DNAH1: variants seen among roughly 807,000 people sequenced by gnomAD.
DNAH1 encodes the protein dynein axonemal heavy chain 1, also known as axonemal beta dynein heavy chain 1.
In DNAH1, 327 loss-of-function variants were observed where a neutral mutation model predicts 484.3. That is an observed-to-expected ratio of 0.68 (90% CI 0.62 to 0.74). The LOEUF is 0.74. DNAH1 is among the 30% of genes least tolerant of loss of function. DNAH1 has a pLI of 0.00. For missense variants in DNAH1, 5,052 were observed against 5,546.8 expected, an observed-to-expected ratio of 0.91 and a Z score of 2.83; for synonymous variants, 2,192 against 2,191.9, an observed-to-expected ratio of 1.00 and a Z score of 0.00.
In DNAH1 at chr3:52,376,090, A is replaced by G. The variant is rs572229436; in HGVS notation, c.7198+97A>G. ...AGGCTGCGACCAGGCGCCGTGGTGA[A>G]CCATCCTCAGGTTCATGCAGGGACC... On this transcript the variant is annotated intron_variant, in intron 46 of 77. Coordinates refer to ENST00000420323, the MANE Select transcript of DNAH1 (RefSeq NM_015512.5). 3.3e-4 allele frequency: 493 copies of G among 1,485,268 alleles called. 1 individual carries two copies. Among genetic ancestry groups the G allele is most frequent in the South Asian group, 1.2e-3 (97 of 79,446 alleles). 92.0% of individuals were successfully genotyped at this position (1,485,268 alleles called of 1,614,324 possible).
At chr3:52,369,419 CAG>C (rs1415301692) in intron 37 of DNAH1, among the ~76,000 whole-genome samples, 4 of 152,162 alleles carry the variant, frequency 2.6e-5, no homozygotes, top group African/African-American at 7.2e-5. Context: ...AAGAGCATCT[CAG>C]GGGTCTACAC....
chr3:52,328,269 A>G (rs1252238459), intron 6 of DNAH1, among the ~76,000 whole-genome samples: 1 of 152,208 alleles, frequency 6.6e-6, no homozygotes, highest in East Asian at 1.9e-4. Flanking sequence ...ATTTATTGGT[A>G]GTAAAATATG....
At chr3:52,357,760 C>T (rs770450398) in intron 23 of DNAH1, 25 bp downstream of exon 23, 2 of 1,572,396 alleles carry the variant, frequency 1.3e-6, no homozygotes, top group South Asian at 2.3e-5. Flanking sequence ...GCCATGCCCA[C>T]TCCGCCACTG....
intron 3 of DNAH1, among the ~76,000 whole-genome samples, chr3:52,325,006 T>C (rs912104821): frequency 2.6e-5 from 4 of 152,140 alleles, no homozygotes; most frequent in African/African-American, 9.7e-5. Context: ...TGGCTCCTTC[T>C]TGGCCACTGA....
At position 52,359,263 on chromosome 3, in the gene DNAH1, G is replaced by A. The variant is rs1182690810; in HGVS notation, c.4284G>A (p.Trp1428Ter). The change falls in exon 26 of 78, where the codon TGG becomes TGA. Residue 1428 changes from tryptophan to a stop codon, truncating the protein, a stop_gained. Coordinates refer to ENST00000420323, the MANE Select transcript of DNAH1 (RefSeq NM_015512.5). LOFTEE classifies it high-confidence loss of function. ...RAYPTMPRTQ[W>*]VLNWPGQVTI... is the part of the protein sequence containing the mutation. ...CTTCCCAGATGCCCAGGACCCAGTG[G>A]GTTCTGAACTGGCCTGGCCAGGTGA... 1.3e-5 allele frequency: 21 copies of A among 1,568,034 alleles called. No homozygotes were observed. Among genetic ancestry groups the A allele is most frequent in the Non-Finnish European group, 1.8e-5 (21 of 1,155,794 alleles).
Position 52,392,843 on chromosome 3 carries a change from T to C in DNAH1, c.10292T>C (p.Ile3431Thr). ...CTACACCCACAGGCCAAAGTCAGGA[T>C]TGCAGAGCAGACGGAGAAGGACATC... is the stretch of plus-strand genomic sequence containing the variant. ...KAAEIQAKVRIAEQTEKDIDL... is the reference protein window; with the variant it reads ...KAAEIQAKVRTAEQTEKDIDL... The change falls in exon 65 of 78, where the codon ATT becomes ACT. Residue 3431 changes from isoleucine to threonine, a missense_variant. Ile to Thr is a moderately conservative substitution (Grantham distance 89, BLOSUM62 -1). Transcript: ENST00000420323. 7.6e-7 allele frequency: 1 copy of C among 1,323,148 alleles called. No homozygotes were observed. The highest frequency in any genetic ancestry group is 1.2e-5 in the South Asian group (1 of 85,718). 82.0% of individuals were successfully genotyped at this position (1,323,148 alleles called of 1,614,324 possible). A position where few individuals can be genotyped will look rare whatever the true frequency, so the allele number is the denominator to read the frequency against.
chr3:52,335,719 C>T (rs964128974), intron 8 of DNAH1, among the ~76,000 whole-genome samples: 4 of 152,030 alleles, frequency 2.6e-5, no homozygotes, highest in African/African-American at 9.7e-5. Context: ...ACTGCAACCT[C>T]TGTCTCCTGG....
Position 52,381,731 on chromosome 3 carries a change from A to G in DNAH1, c.7700A>G (p.His2567Arg). The G allele has an allele frequency of 6.2e-7, 1 of 1,606,454 alleles. No individual in the cohort carries two copies. Among genetic ancestry groups the G allele is most frequent in the Non-Finnish European group, 8.5e-7 (1 of 1,177,250 alleles). The change falls in exon 49 of 78, where the codon CAC becomes CGC. Residue 2567 changes from histidine (H) to arginine (R), a missense_variant. By Grantham distance (29) the His-to-Arg change is conservative (BLOSUM62 0). Around this residue, in one of 4 missense-constraint regions of DNAH1, gnomAD observed 2,929 missense variants for 3,409.4 expected, o/e 0.86. Coordinates refer to ENST00000420323, the MANE Select transcript of DNAH1 (RefSeq NM_015512.5). This position sits in a 1 kb window ranked among gnomAD's most constrained non-coding sequence, Gnocchi z 4.1. ...KLVLFMDAMS[H>R]ICRISRTLRQ... ...GTCCTCTTCATGGACGCCATGAGCC[A>G]CATCTGTCGCATCAGCCGCACCCTA...
intron 60 of DNAH1, among the ~76,000 whole-genome samples, chr3:52,390,002 C>G (rs1309497463): frequency 1.3e-5 from 2 of 152,196 alleles, no homozygotes; most frequent in Non-Finnish European, 2.9e-5. Flanking sequence ...AGCCTGTAAT[C>G]CCAGCTACTC....
In DNAH1 at chr3:52,326,657, G is replaced by A. The variant is rs533077183; in HGVS notation, c.582-78G>A. ...GCCACACCCCTGTCCCCACAACCCC[G>A]TAGGCCCTTGTGGACACCCATGGAG... On this transcript the variant is annotated intron_variant, in intron 4 of 77. Coordinates refer to ENST00000420323, the MANE Select transcript of DNAH1 (RefSeq NM_015512.5). The A allele has an allele frequency of 3.7e-5, 55 of 1,506,268 alleles. 1 individual carries two copies. The highest frequency in any genetic ancestry group is 3.5e-4 in the African/African-American group (25 of 71,960). The allele number at this position is 1,506,268 out of a possible 1,614,324, so 93.3% of individuals were successfully genotyped here.
In DNAH1 at chr3:52,372,965, G is replaced by T; in HGVS notation, c.6897G>T (p.Pro2299=). The change falls in exon 44 of 78, where the codon CCG becomes CCT. Residue 2299 remains proline, a synonymous_variant. Coordinates refer to ENST00000420323, the MANE Select transcript of DNAH1 (RefSeq NM_015512.5). ...FIFFIDDLNM[P]ALETYGAQPP... ...TCTTCATCGATGACCTGAACATGCC[G>T]GCCCTGGAGACCTACGGTGCACAGC... is the stretch of plus-strand genomic sequence containing the variant. 8 of 1,613,804 alleles carry T rather than the reference G, an allele frequency of 5.0e-6. No homozygotes were observed. Among genetic ancestry groups the T allele is most frequent in the Non-Finnish European group, 5.9e-6 (7 of 1,179,854 alleles).
At chr3:52,328,757 G>A (rs1018101030) in intron 6 of DNAH1, among the ~76,000 whole-genome samples, 3 of 152,250 alleles carry the variant, frequency 2.0e-5, no homozygotes, top group East Asian at 1.9e-4. Flanking sequence ...CGGCCTGCAC[G>A]GCTGGGTGTC....
chr3:52,388,612 G>A lies in DNAH1; in HGVS notation c.9363+3G>A, dbSNP rs1277973229. 1 of 1,612,030 alleles carries A rather than the reference G, an allele frequency of 6.2e-7. No individual in the cohort carries two copies. The highest frequency in any genetic ancestry group is 8.5e-7 in the Non-Finnish European group (1 of 1,179,538). The stretch of plus-strand genomic sequence containing the variant: ...AGCGGCTGGGCCGAGCTGGCAAGGT[G>A]CGCACCCTCCTCCTGCAAGGCCTGC... On this transcript the variant is annotated splice_donor_region_variant and intron_variant, in intron 58 of 77. Coordinates refer to ENST00000420323, the MANE Select transcript of DNAH1 (RefSeq NM_015512.5).
At position 52,366,567 on chromosome 3, in the gene DNAH1, G is replaced by A. The variant is rs1703084136; in HGVS notation, c.5610+19G>A. On this transcript the variant is annotated intron_variant, in intron 35 of 77. Coordinates refer to ENST00000420323, the MANE Select transcript of DNAH1 (RefSeq NM_015512.5). ...GAGTACTGTAAGCAGAGCCAAGCTT[G>A]GCAGCCAGTGTCCGGATAGTGGGCC... The A allele has an allele frequency of 1.9e-6, 3 of 1,577,544 alleles. No homozygotes were observed. The African/African-American group carries it at 4.1e-5, about 21-fold the overall frequency.
intron 32 of DNAH1, 46 bp downstream of exon 32, chr3:52,363,190 C>G: frequency 6.2e-7 from 1 of 1,602,582 alleles, no homozygotes; most frequent in Non-Finnish European, 8.5e-7. Flanking sequence ...AAACTTCTGC[C>G]TGCTCCCAGC....
chr3:52,387,780 G>A (rs1298367767), intron 56 of DNAH1, among the ~76,000 whole-genome samples: 2 of 152,188 alleles, frequency 1.3e-5, no homozygotes, highest in Non-Finnish European at 2.9e-5. Flanking sequence ...AGGGGGTGGG[G>A]TAGGCCCTTG....
In DNAH1 at chr3:52,368,709, T is replaced by G. The variant is rs752831786; in HGVS notation, c.5766-32T>G. 7 of 1,596,372 alleles carry G rather than the reference T, an allele frequency of 4.4e-6. No individual in the cohort carries two copies. Among genetic ancestry groups the G allele is most frequent in the Admixed American group, 3.4e-5 (2 of 59,624 alleles). On this transcript the variant is annotated intron_variant, in intron 36 of 77. Coordinates refer to ENST00000420323, the MANE Select transcript of DNAH1 (RefSeq NM_015512.5). This position sits in a 1 kb window ranked among gnomAD's most constrained non-coding sequence, Gnocchi z 4.4. ...TGTGCTCGAAGCACCGCCTCCCTGA[T>G]GTTTCCAGCCCTCTCCTCCCTGGCG... is the stretch of plus-strand genomic sequence containing the variant.
intron 39 of DNAH1, 112 bp downstream of exon 39, chr3:52,370,341 G>A (rs1025070733): frequency 2.3e-5 from 35 of 1,539,880 alleles, no homozygotes; most frequent in Non-Finnish European, 3.1e-5. Flanking sequence ...GGTGCAACAT[G>A]GACAAGACCA....
At chr3:52,315,734 C>T (rs2153222156), upstream of DNAH1, among the ~76,000 whole-genome samples, 1 of 152,362 alleles carries the variant, frequency 6.6e-6, no homozygotes, top group East Asian at 1.9e-4. Context: ...CAGCCCCCTG[C>T]TCCTTTCCCA....
Sources: gnomAD v4.1 joint callset for allele counts (sites outside exome capture counted in the v4.1 genomes callset) on GRCh38, gnomAD v4.1.1 for gene constraint, gnomAD v4.1.1 regional missense constraint, Gnocchi (gnomAD v3.1) non-coding constraint, MANE v1.5 for transcripts, NCBI Gene and HGNC (gene_info 2026-07-23, HGNC 2026-07-21) for gene names.